Variants in C4orf50 observed in about 807,000 individuals in gnomAD.
The protein encoded by C4orf50 is chromosome 4 open reading frame 50.
C4orf50 carries 80 observed loss-of-function variants against 77.2 expected under a neutral mutation model. The observed-to-expected ratio is 1.04, with a 90% CI of 0.87 to 1.25. The LOEUF (loss-of-function observed/expected upper bound fraction) is 1.25. C4orf50 is among the 50% of genes most tolerant of loss of function. The pLI, the probability that C4orf50 is intolerant of heterozygous loss-of-function variation, is 0.00. For missense variants in C4orf50, 1,257 were observed against 1,152.9 expected (o/e 1.09, Z -1.31); for synonymous variants, 532 against 465.3 (o/e 1.14, Z -1.84).
At chr4:5,937,471 G>A (rs2108748922) in intron 7 of C4orf50, among the ~76,000 whole-genome samples, 1 of 152,224 alleles carries the variant, frequency 6.6e-6, no homozygotes, top group East Asian at 1.9e-4. Flanking sequence ...AGCAAGAAAA[G>A]TGAAAAATCA....
rs977896681 is a variant in C4orf50, at chr4:5,989,072, C to A, written c.2974G>T (p.Glu992Ter). The stretch of plus-strand genomic sequence containing the variant: ...ATTGCCTGTAAATATTGATCCAGTT[C>A]TTTCTTTAACTGAGAGATGTCCCCT... Residue 992 changes from glutamate (E) to a stop codon, truncating the protein, a stop_gained, in exon 28 of 34, where the codon GAA becomes TAA. Coordinates refer to ENST00000531445, the Ensembl canonical transcript of C4orf50. LOFTEE classifies it high-confidence loss of function. 1.3e-6 allele frequency: 2 copies of A among 1,536,036 alleles called. No homozygotes were observed. The highest frequency in any genetic ancestry group is 1.4e-5 in the African/African-American group (1 of 73,128).
In C4orf50 at chr4:5,992,278, T is replaced by A. The variant is rs1721332999; in HGVS notation, c.1221+525A>T. ...ACACAACCACAGCCGGGCTCGCGGG[T>A]CCCAGCACAGCTCTGTTCCTCAGGG... On this transcript the variant is annotated intron_variant, in intron 27 of 33. Coordinates refer to ENST00000531445, the Ensembl canonical transcript of C4orf50. The surrounding 1 kb of genome is among the most constrained non-coding windows in gnomAD (Gnocchi z 5.0). 6.6e-6 allele frequency among the ~76,000 whole-genome samples: 1 copy of A among 152,148 alleles called. No individual in the cohort carries two copies. Among genetic ancestry groups the A allele is most frequent in the South Asian group, 2.1e-4 (1 of 4,812 alleles).
intron 28 of C4orf50, among the ~76,000 whole-genome samples, chr4:5,986,849 T>C (rs1427547748): frequency 1.3e-5 from 2 of 152,088 alleles, no homozygotes; most frequent in African/African-American, 2.4e-5. Context: ...AACAATGTCA[T>C]TTTGAGGCAA....
chr4:6,004,287 T>C, intron 25 of C4orf50, among the ~76,000 whole-genome samples: 1 of 62,762 alleles, frequency 1.6e-5, no homozygotes, highest in African/African-American at 6.0e-5. Context: ...ATGGTGATGT[T>C]GGTGATGATG....
rs749283660 is a variant in C4orf50 at position 5,988,543 on chromosome 4, C to T, written c.3503G>A (p.Gly1168Asp). The change falls in exon 28 of 34, where the codon GGC (glycine) becomes GAC (aspartate). Residue 1168 changes from glycine (G) to aspartate (D), a missense_variant. Gly to Asp is a moderately conservative substitution (Grantham distance 94, BLOSUM62 -1). Coordinates refer to ENST00000531445, the Ensembl canonical transcript of C4orf50. ...AGCACCGCGTCTGGAATTCCCGGTG[C>T]CTGTGGAAGGTCCTGTCTGCCCTGC... The T allele has an allele frequency of 6.2e-5, 96 of 1,537,302 alleles. No homozygotes were observed. In the East Asian group the frequency reaches 2.2e-3, roughly 35 times the overall value.
intron 7 of C4orf50, among the ~76,000 whole-genome samples, chr4:5,941,336 CA>C (rs1278361180): frequency 6.6e-6 from 1 of 152,176 alleles, no homozygotes; most frequent in Non-Finnish European, 1.5e-5. Flanking sequence ...AACTTGGCTA[CA>C]GTTGCAGAGC....
chr4:5,997,901 AG>A (rs1721666764), intron 25 of C4orf50, among the ~76,000 whole-genome samples: 2 of 152,298 alleles, frequency 1.3e-5, no homozygotes, highest in African/African-American at 4.8e-5. Flanking sequence ...TATAAGGGAG[AG>A]GAAAAAAGGG....
In C4orf50 at chr4:5,900,763, T is replaced by C. The variant is rs1716309797; in HGVS notation, c.*2475-2575A>G. ...ATCTGGGAATCAGTTTCCTCGCCTG[T>C]AAAATGGGGAGGAGAAGGATGCTTA... On this transcript the variant is annotated intron_variant, in intron 7 of 7. Coordinates refer to the C4orf50 transcript ENST00000324058. This position sits in a 1 kb window ranked among gnomAD's most constrained non-coding sequence, Gnocchi z 4.3. 6.6e-6 allele frequency: 1 copy of C among 152,166 alleles called. No individual in the cohort carries two copies. The highest frequency in any genetic ancestry group is 1.5e-5 in the Non-Finnish European group (1 of 68,036). 9.4% of individuals were successfully genotyped at this position (152,166 alleles called of 1,614,324 possible).
At chr4:5,965,277 G>A (rs1719506019) in intron 32 of C4orf50, 132 bp from the exon 11 acceptor site, 1 of 885,720 alleles carries the variant, frequency 1.1e-6, no homozygotes, top group Admixed American at 2.8e-5. Context: ...CATGCCCCGG[G>A]GCAGAGGTCC....
At position 6,000,158 on chromosome 4, in the gene C4orf50, C is replaced by T. The variant is rs1431061893; in HGVS notation, c.964-5682G>A. Among the ~76,000 whole-genome samples, 1 of 151,440 alleles carries T rather than the reference C, an allele frequency of 6.6e-6. No individual in the cohort carries two copies. Among genetic ancestry groups the T allele is most frequent in the African/African-American group, 2.4e-5 (1 of 41,178 alleles). ...GGCTCTCGGTCCTCCTGGGTCACTCCCAGTCCTTTGAAGATGCACTGGCAG... is the reference window on the plus strand; with the variant it reads ...GGCTCTCGGTCCTCCTGGGTCACTCTCAGTCCTTTGAAGATGCACTGGCAG... On this transcript the variant is annotated intron_variant, in intron 25 of 33. Coordinates refer to ENST00000531445, the Ensembl canonical transcript of C4orf50. The surrounding 1 kb of genome is among the most constrained non-coding windows in gnomAD (Gnocchi z 6.0).
chr4:5,970,467 G>A lies in C4orf50; in HGVS notation c.4105-3005C>T, dbSNP rs1176454353. ...GACAGAATCAGCAGAGTAGGAGGAG[G>A]GAAGCCAGGGCGGATACAAGGGTGA... is the stretch of plus-strand genomic sequence containing the variant. On this transcript the variant is annotated intron_variant, in intron 31 of 33. Coordinates refer to ENST00000531445, the Ensembl canonical transcript of C4orf50. The surrounding 1 kb of genome is among the most constrained non-coding windows in gnomAD (Gnocchi z 4.3). 6.6e-6 allele frequency among the ~76,000 whole-genome samples: 1 copy of A among 152,152 alleles called. No individual in the cohort carries two copies. The highest frequency in any genetic ancestry group is 1.5e-5 in the Non-Finnish European group (1 of 68,024).
rs760514594 is a variant in C4orf50 at position 5,925,950 on chromosome 4, G to C, written c.*2475-27762C>G. Among the ~76,000 whole-genome samples the C allele has an allele frequency of 6.3e-4, 96 of 152,208 alleles. 1 individual carries two copies. Among genetic ancestry groups the C allele is most frequent in the Non-Finnish European group, 1.2e-3 (79 of 68,036 alleles). On this transcript the variant is annotated intron_variant, in intron 7 of 7. Coordinates refer to the C4orf50 transcript ENST00000324058. ...GCAGAGAAACCTGAGGCCTCACAGG[G>C]AAGGCTGTGACTGTAGGCAGAGAGG...
At chr4:5,948,425 G>A (rs956747034) in intron 7 of C4orf50, among the ~76,000 whole-genome samples, 13 of 152,212 alleles carry the variant, frequency 8.5e-5, no homozygotes, top group African/African-American at 2.9e-4. Context: ...CACACTTTGG[G>A]AGGCCGAGGT....
At position 5,919,268 on chromosome 4, in the gene C4orf50, G is replaced by A. The variant is rs76518235; in HGVS notation, c.*2475-21080C>T. Reference sequence around the variant, plus strand: ...CAGAGGAGCCCCAGGCTTGAGGGTTGGCAGACCCAATGCCCGATTTCCATG... The same window carrying A: ...CAGAGGAGCCCCAGGCTTGAGGGTTAGCAGACCCAATGCCCGATTTCCATG... On this transcript the variant is annotated intron_variant, in intron 7 of 7. Transcript: ENST00000324058. This position sits in a 1 kb window ranked among gnomAD's most constrained non-coding sequence, Gnocchi z 6.5. 0.049 allele frequency among the ~76,000 whole-genome samples: 7,472 copies of A among 152,236 alleles called. 294 individuals are homozygous for A. The highest frequency in any genetic ancestry group is 0.1 in the African/African-American group (4,330 of 41,520).
intron 7 of C4orf50, among the ~76,000 whole-genome samples, chr4:5,937,626 A>G (rs1318415266): frequency 6.6e-6 from 1 of 152,212 alleles, no homozygotes; most frequent in Admixed American, 6.5e-5. Context: ...TTTCCATTTA[A>G]AAGACAAGGA....
chr4:5,963,396 T>C (rs781025777), intron 33 of C4orf50, among the ~76,000 whole-genome samples: 131 of 152,164 alleles, frequency 8.6e-4, no homozygotes, highest in Non-Finnish European at 3.2e-4. Context: ...TATTACTAGA[T>C]AAGAAGTCAT....
chr4:5,993,823 AT>A (rs1233023383), intron 26 of C4orf50, among the ~76,000 whole-genome samples: 2 of 148,972 alleles, frequency 1.3e-5, no homozygotes, highest in African/African-American at 5.0e-5. Flanking sequence ...TCTCAAAAAA[AT>A]AAAATAAAAA....
exon 28 of C4orf50, chr4:5,989,397 G>A: frequency 6.5e-7 from 1 of 1,536,050 alleles, no homozygotes; most frequent in Non-Finnish European, 8.7e-7. Flanking sequence ...CCAGGGCCGT[G>A]GTCTTTCCCG....
chr4:5,980,152 GGAAA>G lies in C4orf50; in HGVS notation c.3864+18_3864+21del, dbSNP rs775757787. Reference sequence around the variant, plus strand: ...TGTGGGAGCCCTGGCTGACAAGAGGGGAAAGAAAGCACTTCCCACACCTTGGCCT... The same window carrying G: ...TGTGGGAGCCCTGGCTGACAAGAGGGGAAAGCACTTCCCACACCTTGGCCT... On this transcript the variant is annotated intron_variant, in intron 29 of 33. Transcript: ENST00000531445. 2 of 1,550,174 alleles carry G rather than the reference GGAAA, an allele frequency of 1.3e-6. No individual in the cohort carries two copies. Among genetic ancestry groups the G allele is most frequent in the Non-Finnish European group, 1.7e-6 (2 of 1,150,098 alleles).
Sources: gnomAD v4.1 joint callset for allele counts (sites outside exome capture counted in the v4.1 genomes callset) on GRCh38, gnomAD v4.1.1 for gene constraint, Gnocchi (gnomAD v3.1) non-coding constraint, MANE v1.5 for transcripts, NCBI Gene and HGNC (gene_info 2026-07-23, HGNC 2026-07-21) for gene names.